EDA: variants seen among roughly 807,000 people sequenced by gnomAD.
EDA encodes ectodysplasin A, also known as ectodysplasin-A.
In EDA, 2 loss-of-function variants were observed where a neutral mutation model predicts 23.6. The observed-to-expected ratio is 0.08, with a 90% confidence interval of 0.03 to 0.27. The LOEUF (loss-of-function observed/expected upper bound fraction) is 0.27, where lower values mean the gene tolerates loss of function less well. Ranked by LOEUF, EDA falls within the 10% of genes least tolerant of loss-of-function variation. EDA has a pLI of 1.00. For missense variants in EDA, 229 were observed against 324.2 expected (o/e 0.71, Z 2.26); for synonymous variants, 131 against 132.0 (o/e 0.99, Z 0.05).
intron 2 of EDA, among the ~76,000 whole-genome samples, chrX:70,007,143 G>A (rs772300838): frequency 9.2e-4 from 103 of 112,133 alleles, no homozygotes; most frequent in Non-Finnish European, 1.4e-3. Flanking sequence ...TAGCTTTATA[G>A]TAAGTATTGA....
intron 1 of EDA, among the ~76,000 whole-genome samples, chrX:69,778,956 T>C (rs2014864751): frequency 9.0e-6 from 1 of 111,714 alleles, no homozygotes; most frequent in Non-Finnish European, 1.9e-5. Flanking sequence ...TCTACTGTTA[T>C]AGTGTGTAAG....
In EDA at chrX:69,784,818, G is replaced by A. The variant is rs373475090; in HGVS notation, c.396+168114G>A. ...ATGAACTTTAAAGTAGTTTTTTCCA[G>A]TTCTGTGAAGAAAGTCATTGGTAGC... On this transcript the variant is annotated intron_variant, in intron 1 of 7. Coordinates refer to ENST00000374552, the MANE Select transcript of EDA (RefSeq NM_001399.5). 7.2e-3 allele frequency among the ~76,000 whole-genome samples: 783 copies of A among 108,122 alleles called. 6 individuals are homozygous for A. Among genetic ancestry groups the A allele is most frequent in the Non-Finnish European group, 0.01 (541 of 51,847 alleles). The allele number at this position is 108,122 out of a possible 115,157, so 93.9% of individuals were successfully genotyped here.
chrX:69,827,342 A>T (rs1488565734), intron 1 of EDA, among the ~76,000 whole-genome samples: 4 of 112,097 alleles, frequency 3.6e-5, no homozygotes. Flanking sequence ...TACACCAATC[A>T]GACATAGATT....
intron 1 of EDA, among the ~76,000 whole-genome samples, chrX:69,710,819 T>G (rs1045545992): frequency 3.7e-5 from 4 of 108,599 alleles, no homozygotes; most frequent in Non-Finnish European, 5.6e-5. Context: ...ATAAGAATGC[T>G]TGTGATTTTT....
At chrX:69,784,812 T>C (rs1157332507) in intron 1 of EDA, among the ~76,000 whole-genome samples, 1 of 108,801 alleles carries the variant, frequency 9.2e-6, no homozygotes, top group Non-Finnish European at 1.9e-5. Context: ...AAAGTAGTTT[T>C]TTCCAGTTCT....
intron 1 of EDA, among the ~76,000 whole-genome samples, chrX:69,651,892 A>G (rs1194122161): frequency 1.8e-5 from 2 of 110,684 alleles, no homozygotes; most frequent in African/African-American, 6.6e-5. Flanking sequence ...AGAGGAGAAA[A>G]TGTGTGTAGG....
intron 1 of EDA, among the ~76,000 whole-genome samples, chrX:69,811,689 A>G (rs916478502): frequency 1.8e-5 from 2 of 112,458 alleles, no homozygotes; most frequent in African/African-American, 6.5e-5. Context: ...CAATGATGCC[A>G]CACATGCAGT....
At chrX:69,621,383 A>T (rs1262343327) in intron 1 of EDA, among the ~76,000 whole-genome samples, 1 of 112,116 alleles carries the variant, frequency 8.9e-6, no homozygotes, top group African/African-American at 3.2e-5. Flanking sequence ...TACACAGAAA[A>T]GTATATAAAT....
chrX:70,011,898 A>G (rs1394898376), intron 2 of EDA, among the ~76,000 whole-genome samples: 1 of 111,758 alleles, frequency 8.9e-6, no homozygotes. Context: ...CCCCTAATTT[A>G]GCAGTTGAAG....
intron 1 of EDA, among the ~76,000 whole-genome samples, chrX:69,867,105 T>C (rs183879337): frequency 7.0e-4 from 78 of 111,908 alleles, no homozygotes; most frequent in Non-Finnish European, 1.3e-3. Flanking sequence ...TCAGTGTTGG[T>C]CTCTGCTGCT....
intron 1 of EDA, among the ~76,000 whole-genome samples, chrX:69,738,518 T>G (rs2013344128): frequency 9.3e-6 from 1 of 107,860 alleles, no homozygotes; most frequent in Non-Finnish European, 1.9e-5. Flanking sequence ...TAATCTTTAT[T>G]AATTCCTTTC....
chrX:69,631,725 A>C (rs373297802), intron 1 of EDA, among the ~76,000 whole-genome samples: 1 of 110,628 alleles, frequency 9.0e-6, no homozygotes, highest in African/African-American at 3.3e-5. Flanking sequence ...AATAGCTTAA[A>C]CCTTAGTAAT....
At chrX:69,827,425 C>T (rs1204874695) in intron 1 of EDA, among the ~76,000 whole-genome samples, 1 of 111,489 alleles carries the variant, frequency 9.0e-6, no homozygotes, top group Non-Finnish European at 1.9e-5. Context: ...CTCTAAACTT[C>T]CCTTCTCGCT....
chrX:69,649,390 A>C, intron 1 of EDA, among the ~76,000 whole-genome samples: 1 of 111,909 alleles, frequency 8.9e-6, no homozygotes, highest in Non-Finnish European at 1.9e-5. Context: ...TTGTGTAAAC[A>C]GTGCAATTGT....
chrX:69,904,097 C>T (rs80109956), intron 1 of EDA, among the ~76,000 whole-genome samples: 34,022 of 110,448 alleles, frequency 0.31, 4,881 homozygotes, highest in Middle Eastern at 0.54. Flanking sequence ...AGGCGTGAGC[C>T]ACCACCCCCG....
At chrX:70,033,013 A>G (rs1443170177) in intron 6 of EDA, among the ~76,000 whole-genome samples, 1 of 112,963 alleles carries the variant, frequency 8.9e-6, no homozygotes, top group African/African-American at 3.2e-5. Flanking sequence ...ATTGAATAAT[A>G]AGACCTAGCC....
chrX:69,860,814 AAT>A, intron 1 of EDA: 1 of 519,451 alleles, frequency 1.9e-6, no homozygotes, highest in Non-Finnish European at 3.5e-6. Context: ...GATATCCTGA[AAT>A]ATGTTTTCCA....
intron 1 of EDA, among the ~76,000 whole-genome samples, chrX:69,724,428 G>T (rs1188763594): frequency 9.0e-6 from 1 of 110,902 alleles, no homozygotes; most frequent in African/African-American, 3.3e-5. Flanking sequence ...GCTTCCCTTT[G>T]TACAGAACCC....
At chrX:70,000,949 A>G (rs1412849860) in intron 2 of EDA, among the ~76,000 whole-genome samples, 1 of 111,898 alleles carries the variant, frequency 8.9e-6, no homozygotes. Context: ...AGTTCTGCTG[A>G]GTATAATGTA....
Sources: allele counts gnomAD v4.1 joint callset (sites outside exome capture counted in the v4.1 genomes callset), GRCh38; gene constraint gnomAD v4.1.1; transcripts MANE v1.5; gene names NCBI Gene and HGNC (gene_info 2026-07-23, HGNC 2026-07-21).